Variants in LARS1 observed in about 807,000 individuals in gnomAD.
LARS1 encodes leucyl-tRNA synthetase 1.
Under a neutral mutation model 162.8 loss-of-function variants are expected in LARS1, and 100 were observed. The ratio of observed to expected loss-of-function variants is 0.61; its 90% CI spans 0.52 to 0.73. The LOEUF (loss-of-function observed/expected upper bound fraction) is 0.73, where lower values mean the gene tolerates loss of function less well. Ranked by LOEUF, LARS1 falls within the 30% of genes least tolerant of loss-of-function variation. LARS1 has a pLI of 0.00. For missense variants in LARS1, 1,258 were observed against 1,408.9 expected (o/e 0.89, Z 1.71); for synonymous variants, 457 against 462.8 (o/e 0.99, Z 0.16).
chr5:146,136,694 C>G (rs1236402573), intron 21 of LARS1, among the ~76,000 whole-genome samples: 1 of 151,968 alleles, frequency 6.6e-6, no homozygotes, highest in African/African-American at 2.4e-5. Flanking sequence ...GTTGGTCAGG[C>G]TGGTCTCTAA....
chr5:146,173,745 C>T (rs1334407906), intron 2 of LARS1, among the ~76,000 whole-genome samples: 4 of 152,034 alleles, frequency 2.6e-5, no homozygotes, highest in African/African-American at 9.7e-5. Flanking sequence ...TCCACTGAAA[C>T]TACCTGTTTC....
intron 6 of LARS1, among the ~76,000 whole-genome samples, chr5:146,161,608 C>G (rs1218846087): frequency 6.6e-6 from 1 of 152,094 alleles, no homozygotes; most frequent in Non-Finnish European, 1.5e-5. Context: ...ACAAAATTAG[C>G]CAGGTGTAGT....
At chr5:146,128,901 T>C (rs1752156913) in intron 26 of LARS1, 77 bp downstream of exon 26, 1 of 1,457,662 alleles carries the variant, frequency 6.9e-7, no homozygotes, top group South Asian at 1.3e-5. Flanking sequence ...CTTTTTAACT[T>C]TCATTATTGT....
intron 2 of LARS1, among the ~76,000 whole-genome samples, chr5:146,175,770 G>A (rs187237828): frequency 6.6e-6 from 1 of 151,816 alleles, no homozygotes; most frequent in Admixed American, 6.6e-5. Context: ...GGAGCTTGCA[G>A]TGAGCCGAGA....
chr5:146,174,531 T>C lies in LARS1; in HGVS notation c.126-1757A>G, dbSNP rs1369125722. The stretch of plus-strand genomic sequence containing the variant: ...ATATATATATATATCCATATATATA[T>C]ATATATCCATATATGTATATATCCA... On this transcript the variant is annotated intron_variant, in intron 2 of 31. Coordinates refer to ENST00000394434, the MANE Select transcript of LARS1 (RefSeq NM_020117.11). Among the ~76,000 whole-genome samples, 17 of 111,772 alleles carry C rather than the reference T, an allele frequency of 1.5e-4. 1 individual carries two copies. The Admixed American group carries it at 1.8e-3, about 12-fold the overall frequency. The allele number at this position is 111,772 out of a possible 152,430, so 73.3% of individuals were successfully genotyped here. A position where few individuals can be genotyped will look rare whatever the true frequency, so the allele number is the denominator to read the frequency against.
chr5:146,158,219 G>A (rs550623351), intron 8 of LARS1, among the ~76,000 whole-genome samples: 10 of 152,230 alleles, frequency 6.6e-5, no homozygotes, highest in African/African-American at 1.9e-4. Flanking sequence ...AGGATGTTGC[G>A]TCTCAGATAG....
chr5:146,132,398 T>A (rs1355626546), intron 23 of LARS1: 1 of 152,458 alleles, frequency 6.6e-6, no homozygotes, highest in African/African-American at 2.4e-5. Context: ...TTTGTCTCTC[T>A]TGCTAGACAA....
chr5:146,152,173 T>C (rs577311316), intron 13 of LARS1, among the ~76,000 whole-genome samples, 171 bp from the exon 14 acceptor site: 1 of 152,222 alleles, frequency 6.6e-6, no homozygotes, highest in South Asian at 2.1e-4. Context: ...AGATGTAAAT[T>C]TGTCCTTCTA....
chr5:146,160,421 C>A lies in LARS1; in HGVS notation c.660G>T (p.Trp220Cys). The A allele has an allele frequency of 6.3e-7, 1 of 1,583,348 alleles. No individual in the cohort carries two copies. Among genetic ancestry groups the A allele is most frequent in the Non-Finnish European group, 8.6e-7 (1 of 1,166,338 alleles). The change falls in exon 7 of 32, where the codon TGG becomes TGT. Residue 220 changes from tryptophan (W) to cysteine (C), a missense_variant. Transcript: ENST00000394434. ...TTCTTTCTCTTAATGTTAAAAATTG[C>A]CATCTGACAAATGAATCATAGTAAG... ...VNPYYDSFVR[W>C]QFLTLRERNK...
rs1345999265 is a variant in LARS1 at position 146,159,535 on chromosome 5, C to T, written c.708-65G>A. On this transcript the variant is annotated intron_variant, in intron 7 of 31. Transcript: ENST00000394434. The stretch of plus-strand genomic sequence containing the variant: ...TTCACGTTTTATCCTACCATATTTG[C>T]CTGTGTTGCACCTAATTTCTTACAT... The T allele has an allele frequency of 6.4e-6, 8 of 1,240,432 alleles. No individual in the cohort carries two copies. In the African/African-American group the frequency reaches 1.2e-4, roughly 19 times the overall value. The allele number at this position is 1,240,432 out of a possible 1,614,324, so 76.8% of individuals were successfully genotyped here.
At chr5:146,143,223 A>G in intron 19 of LARS1, 139 bp from the exon 20 acceptor site, 1 of 835,646 alleles carries the variant, frequency 1.2e-6, no homozygotes. Flanking sequence ...AACAGCTTCC[A>G]TAAGAATGAA....
chr5:146,171,278 A>G (rs1036654895), intron 4 of LARS1, among the ~76,000 whole-genome samples: 3 of 151,818 alleles, frequency 2.0e-5, no homozygotes, highest in African/African-American at 7.3e-5. Context: ...AATCGCTTGA[A>G]CCCAGGAGAA....
At position 146,129,004 on chromosome 5, in the gene LARS1, T is replaced by C. The variant is rs748582207; in HGVS notation, c.2743A>G (p.Asn915Asp). 1 of 1,601,728 alleles carries C rather than the reference T, an allele frequency of 6.2e-7. No individual in the cohort carries two copies. The highest frequency in any genetic ancestry group is 8.5e-7 in the Non-Finnish European group (1 of 1,176,562). Residue 915 changes from asparagine to aspartate, a missense_variant, in exon 26 of 32, where the codon AAC (asparagine) becomes GAC (aspartate). Coordinates refer to ENST00000394434, the MANE Select transcript of LARS1 (RefSeq NM_020117.11). ...TTCCCTTTAGCTGGCATCATATAGT[T>C]CTTGAGTCGTAGTCTAAGGTCATGT... is the stretch of plus-strand genomic sequence containing the variant. ...VTHDLRLRLK[N>D]YMMPAKGKKT...
chr5:146,126,920 T>G (rs1031675318), intron 27 of LARS1, among the ~76,000 whole-genome samples: 4 of 152,238 alleles, frequency 2.6e-5, no homozygotes, highest in Non-Finnish European at 4.4e-5. Context: ...TAATGTCTGC[T>G]TTTGGACACT....
intron 31 of LARS1, among the ~76,000 whole-genome samples, chr5:146,119,586 G>C (rs979168177): frequency 2.6e-5 from 4 of 152,122 alleles, no homozygotes; most frequent in Admixed American, 6.5e-5. Context: ...TCATAGCTCA[G>C]AAGAAAAATA....
rs1334986274 is a variant in LARS1, at chr5:146,144,264, T to C, written c.1738+3A>G. The stretch of plus-strand genomic sequence containing the variant: ...CAAACAGAAAAATTTCAAGTTTGTT[T>C]ACCTAGACCATAAGTTCTTGAGCAA... On this transcript the variant is annotated splice_donor_region_variant and intron_variant, in intron 18 of 31. Coordinates refer to ENST00000394434, the MANE Select transcript of LARS1 (RefSeq NM_020117.11). 1.9e-6 allele frequency: 3 copies of C among 1,597,662 alleles called. No homozygotes were observed. Among genetic ancestry groups the C allele is most frequent in the South Asian group, 1.1e-5 (1 of 87,492 alleles).
chr5:146,159,086 A>G (rs1753657702), intron 8 of LARS1, among the ~76,000 whole-genome samples: 1 of 148,406 alleles, frequency 6.7e-6, no homozygotes. Flanking sequence ...AAAGAGCAAG[A>G]CTCCGTCTGA....
intron 31 of LARS1, among the ~76,000 whole-genome samples, chr5:146,116,297 T>C (rs926591740): frequency 5.3e-5 from 8 of 152,206 alleles, no homozygotes; most frequent in Non-Finnish European, 1.5e-5. Flanking sequence ...CAGTGACAAG[T>C]TCTGCCAGCA....
chr5:146,152,849 T>C (rs1292088709), intron 13 of LARS1, among the ~76,000 whole-genome samples: 1 of 152,182 alleles, frequency 6.6e-6, no homozygotes, highest in Non-Finnish European at 1.5e-5. Flanking sequence ...TATGGTTACA[T>C]ATAAACATTC....
Sources: gnomAD v4.1 joint callset for allele counts (sites outside exome capture counted in the v4.1 genomes callset) on GRCh38, gnomAD v4.1.1 for gene constraint, MANE v1.5 for transcripts, NCBI Gene and HGNC (gene_info 2026-07-23, HGNC 2026-07-21) for gene names.